Variants in CDC14A observed in about 807,000 individuals in gnomAD.
CDC14A encodes the protein dual specificity protein phosphatase CDC14A.
CDC14A carries 53 observed loss-of-function variants against 74.4 expected under a neutral mutation model. The observed-to-expected ratio is 0.71, with a 90% CI of 0.57 to 0.89. The LOEUF is 0.89. CDC14A is among the 40% of genes least tolerant of loss of function. The probability of loss-of-function intolerance (pLI) is 0.00; values close to 1 mark genes in which losing one functional copy is unlikely to be tolerated. For missense variants in CDC14A, 646 were observed against 713.7 expected, an observed-to-expected ratio of 0.91 and a Z score of 1.08; for synonymous variants, 247 against 258.4, an observed-to-expected ratio of 0.96 and a Z score of 0.43.
intron 4 of CDC14A, among the ~76,000 whole-genome samples, chr1:100,412,762 T>G (rs1223401677): frequency 9.7e-6 from 1 of 102,730 alleles, no homozygotes; most frequent in Non-Finnish European, 1.9e-5. Flanking sequence ...ATTTTATATA[T>G]ATATATTATA....
chr1:100,386,435 A>G (rs1192253455), intron 3 of CDC14A, among the ~76,000 whole-genome samples: 1 of 152,202 alleles, frequency 6.6e-6, no homozygotes, highest in South Asian at 2.1e-4. Flanking sequence ...TGTGTAAAGC[A>G]GAAAATAATC....
upstream of CDC14A, among the ~76,000 whole-genome samples, chr1:100,348,857 T>C (rs1411486894): frequency 6.6e-6 from 1 of 152,178 alleles, no homozygotes; most frequent in African/African-American, 2.4e-5. Context: ...TGCAGGGTAG[T>C]TGAAGCAGTT....
chr1:100,467,287 A>G (rs1309459545), intron 9 of CDC14A, among the ~76,000 whole-genome samples: 1 of 152,120 alleles, frequency 6.6e-6, no homozygotes, highest in African/African-American at 2.4e-5. Flanking sequence ...AGAGAAGACT[A>G]CCTTTATTGT....
chr1:100,479,555 A>T (rs555136107), intron 10 of CDC14A, among the ~76,000 whole-genome samples: 58 of 152,332 alleles, frequency 3.8e-4, no homozygotes, highest in African/African-American at 1.2e-3. Context: ...AGGCTAAAAA[A>T]TTTTAATTAT....
chr1:100,394,071 C>CT, intron 4 of CDC14A: 1 of 224,880 alleles, frequency 4.4e-6, no homozygotes, highest in Non-Finnish European at 8.6e-6. Context: ...TTCTTTACCC[C>CT]TTTTTCCCTC....
chr1:100,414,290 C>A (rs1661237720), intron 4 of CDC14A, among the ~76,000 whole-genome samples: 1 of 151,970 alleles, frequency 6.6e-6, no homozygotes. Context: ...ACATAGTAGA[C>A]CCCATCTCTA....
chr1:100,346,040 G>A lies in CDC14A; in HGVS notation c.-126+857G>A, dbSNP rs192998361. Among the ~76,000 whole-genome samples the A allele has an allele frequency of 2.2e-3, 338 of 152,054 alleles. 2 individuals carry two copies. The highest frequency in any genetic ancestry group is 7.8e-3 in the African/African-American group (323 of 41,470). On this transcript the variant is annotated intron_variant, in intron 1 of 14. Transcript: ENST00000635056. ...ACAAAAATTCACTGGGTGTGGGGGT[G>A]GGCACCTGTAATCCCAGCTACTCAG...
intron 2 of CDC14A, among the ~76,000 whole-genome samples, chr1:100,371,720 T>A (rs1654504467): frequency 6.6e-6 from 1 of 152,202 alleles, no homozygotes; most frequent in Admixed American, 6.5e-5. Context: ...TATGGATAAC[T>A]TGAATTATTT....
intron 4 of CDC14A, among the ~76,000 whole-genome samples, chr1:100,395,398 T>C (rs1658329246): frequency 6.6e-6 from 1 of 152,238 alleles, no homozygotes; most frequent in Non-Finnish European, 1.5e-5. Context: ...TGGACTACCA[T>C]CAGTGACTTG....
chr1:100,462,156 C>T (rs936074170), intron 8 of CDC14A, among the ~76,000 whole-genome samples: 6 of 152,244 alleles, frequency 3.9e-5, no homozygotes, highest in South Asian at 2.1e-4. Flanking sequence ...TGAAATGATA[C>T]GCAATTGTGA....
At chr1:100,478,709 T>C (rs1206682665) in intron 10 of CDC14A, among the ~76,000 whole-genome samples, 2 of 152,224 alleles carry the variant, frequency 1.3e-5, no homozygotes, top group Admixed American at 1.3e-4. Context: ...AAGCACAGTA[T>C]TATGGTTGAA....
intron 2 of CDC14A, among the ~76,000 whole-genome samples, chr1:100,368,502 G>C (rs1251084134): frequency 1.3e-5 from 2 of 152,210 alleles, no homozygotes; most frequent in Admixed American, 1.3e-4. Context: ...CTGATTGTTA[G>C]AAATTGTACA....
rs1307674640 is a variant in CDC14A at position 100,442,971 on chromosome 1, A to G, written c.494A>G (p.Asp165Gly). The change falls in exon 7 of 16, where the codon GAT becomes GGT. Residue 165 changes from aspartate to glycine, a missense_variant. Transcript: ENST00000336454. ...GGATTTTTTGACTTTGAGACATTTGATGTGGATGAATATGAACATTATGAG... is the reference window on the plus strand; with the variant it reads ...GGATTTTTTGACTTTGAGACATTTGGTGTGGATGAATATGAACATTATGAG... The part of the protein sequence containing the change: ...QHGFFDFETF[D>G]VDEYEHYERV... 6.3e-7 allele frequency: 1 copy of G among 1,599,594 alleles called. No homozygotes were observed. Among genetic ancestry groups the G allele is most frequent in the Non-Finnish European group, 8.6e-7 (1 of 1,167,564 alleles).
Position 100,499,263 on chromosome 1 carries a change from G to A in CDC14A, c.1755+1G>A, listed in dbSNP as rs1186716482. ...GAGATTCCTGAGCCGTTCTATCCCT[G>A]TAAGTGCGCAGACACCACCTCCTGG... On this transcript the variant is annotated splice_donor_variant, in intron 15 of 15. Coordinates refer to ENST00000336454, the MANE Select transcript of CDC14A (RefSeq NM_003672.4). LOFTEE classifies it high-confidence loss of function. The A allele has an allele frequency of 6.2e-7, 1 of 1,614,060 alleles. No individual in the cohort carries two copies. The highest frequency in any genetic ancestry group is 2.2e-5 in the East Asian group (1 of 44,896).
intron 3 of CDC14A, among the ~76,000 whole-genome samples, chr1:100,386,367 C>T (rs1274090669): frequency 6.6e-6 from 1 of 152,088 alleles, no homozygotes; most frequent in Non-Finnish European, 1.5e-5. Context: ...TTGGAATTGA[C>T]CAATTTTAAA....
chr1:100,407,588 A>C (rs28361215), intron 4 of CDC14A, among the ~76,000 whole-genome samples: 1 of 152,094 alleles, frequency 6.6e-6, no homozygotes. Flanking sequence ...TTATCAGCTT[A>C]AAAAGCTTTT....
At chr1:100,469,736 G>C (rs538536905) in intron 10 of CDC14A, among the ~76,000 whole-genome samples, 35 of 152,278 alleles carry the variant, frequency 2.3e-4, no homozygotes, top group African/African-American at 8.4e-4. Context: ...CGCAAGGTGA[G>C]GAGATATAGC....
intron 10 of CDC14A, among the ~76,000 whole-genome samples, chr1:100,472,041 G>A (rs950167694): frequency 2.0e-5 from 3 of 152,114 alleles, no homozygotes; most frequent in African/African-American, 7.2e-5. Context: ...AAAACCACAA[G>A]AGTAGGAGAA....
At chr1:100,371,661 A>G (rs570667513) in intron 2 of CDC14A, among the ~76,000 whole-genome samples, 18 of 152,306 alleles carry the variant, frequency 1.2e-4, no homozygotes, top group African/African-American at 4.1e-4. Context: ...CTTCATCGTG[A>G]TGCATAAACT....
Sources: gnomAD v4.1 joint callset for allele counts (sites outside exome capture counted in the v4.1 genomes callset) on GRCh38, gnomAD v4.1.1 for gene constraint, MANE v1.5 for transcripts, NCBI Gene and HGNC (gene_info 2026-07-23, HGNC 2026-07-21) for gene names.